OXR1: variants seen among roughly 807,000 people sequenced by gnomAD.
The protein encoded by OXR1 is oxidation resistance protein 1.
In OXR1, 41 loss-of-function variants were observed where a neutral mutation model predicts 104.6. The observed-to-expected ratio is 0.39, with a 90% CI of 0.31 to 0.51. OXR1 has a LOEUF of 0.51. Among genes scored for constraint, OXR1 ranks in the 20% least tolerant of loss-of-function variants. The probability of loss-of-function intolerance (pLI) is 0.77; values close to 1 mark genes in which losing one functional copy is unlikely to be tolerated. For missense variants in OXR1, 955 were observed against 1,031.9 expected, an observed-to-expected ratio of 0.93 and a Z score of 1.02; for synonymous variants, 348 against 348.4, an observed-to-expected ratio of 1.00 and a Z score of 0.01.
chr8:106,616,504 T>C (rs1354523095), intron 3 of OXR1, among the ~76,000 whole-genome samples: 2 of 152,088 alleles, frequency 1.3e-5, no homozygotes, highest in Non-Finnish European at 2.9e-5. Context: ...TGTAGCTCCA[T>C]AGAGAAGATT....
At chr8:106,574,388 G>GA (rs894275286) in intron 3 of OXR1, among the ~76,000 whole-genome samples, 2 of 151,898 alleles carry the variant, frequency 1.3e-5, no homozygotes, top group Non-Finnish European at 2.9e-5. Context: ...TCTGCCAGTG[G>GA]AAAAAAAGGG....
intron 3 of OXR1, among the ~76,000 whole-genome samples, chr8:106,633,232 A>AAAAAC (rs371897998): frequency 0.023 from 3,522 of 152,206 alleles, 46 homozygotes; most frequent in East Asian, 0.034. Flanking sequence ...ATTCCATCAA[A>AAAAAC]AAAACAAAAC....
chr8:106,474,028 C>T (rs975864311), intron 2 of OXR1, among the ~76,000 whole-genome samples: 78 of 144,414 alleles, frequency 5.4e-4, no homozygotes, highest in African/African-American at 1.2e-3. Flanking sequence ...CACACACACA[C>T]ACACACACAC....
At chr8:106,537,745 G>A (rs1041296735) in intron 3 of OXR1, among the ~76,000 whole-genome samples, 2 of 152,154 alleles carry the variant, frequency 1.3e-5, no homozygotes, top group Non-Finnish European at 1.5e-5. Flanking sequence ...TTTCTACAGT[G>A]AAGATAATGA....
Position 106,707,913 on chromosome 8 carries a change from A to G in OXR1, c.1624+768A>G, listed in dbSNP as rs529902320. Among the ~76,000 whole-genome samples, 8 of 152,294 alleles carry G rather than the reference A, an allele frequency of 5.3e-5. No individual in the cohort carries two copies. In the East Asian group the frequency reaches 1.5e-3, roughly 29 times the overall value. ...AAAGATTTTTGTTTTGCTGTAATAC[A>G]TAAAATAAAATTTACCATTTAACTT... On this transcript the variant is annotated intron_variant, in intron 9 of 16. Transcript: ENST00000517566.
At chr8:106,601,786 T>A (rs913724254) in intron 3 of OXR1, among the ~76,000 whole-genome samples, 1 of 152,158 alleles carries the variant, frequency 6.6e-6, no homozygotes. Context: ...GTAGCAAAGG[T>A]GAAAGGATTT....
At chr8:106,645,741 G>T (rs1824020658) in intron 3 of OXR1, among the ~76,000 whole-genome samples, 1 of 152,070 alleles carries the variant, frequency 6.6e-6, no homozygotes, top group Non-Finnish European at 1.5e-5. Flanking sequence ...GGGAGTTAGG[G>T]AACTCCCATC....
chr8:106,496,329 A>G (rs895173379), intron 2 of OXR1, among the ~76,000 whole-genome samples: 12 of 152,240 alleles, frequency 7.9e-5, no homozygotes, highest in Non-Finnish European at 8.8e-5. Context: ...GGTGATTCTG[A>G]TACATGCTCA....
chr8:106,361,123 G>C (rs565878586), intron 2 of OXR1, among the ~76,000 whole-genome samples: 15 of 152,300 alleles, frequency 9.8e-5, no homozygotes, highest in Admixed American at 9.8e-4. Flanking sequence ...GCATGTCATG[G>C]TTCCAGCCCA....
chr8:106,493,045 T>A (rs1305209351), intron 2 of OXR1, among the ~76,000 whole-genome samples: 1 of 151,936 alleles, frequency 6.6e-6, no homozygotes, highest in Admixed American at 6.6e-5. Flanking sequence ...GCTAGGAGAC[T>A]TTTTTTTAAA....
At chr8:106,707,464 A>C (rs1587177833) in intron 9 of OXR1, 1 of 469,736 alleles carries the variant, frequency 2.1e-6, no homozygotes, top group Non-Finnish European at 3.7e-6. Context: ...TGATCACTCC[A>C]TTTTCTCTTA....
intron 9 of OXR1, among the ~76,000 whole-genome samples, chr8:106,709,399 A>G (rs1368200386): frequency 6.6e-6 from 1 of 152,178 alleles, no homozygotes; most frequent in Non-Finnish European, 1.5e-5. Context: ...TATTGTTAAG[A>G]CATTTTAAAG....
chr8:106,585,538 G>T (rs1259024384), intron 3 of OXR1, among the ~76,000 whole-genome samples: 1 of 152,020 alleles, frequency 6.6e-6, no homozygotes, highest in Non-Finnish European at 1.5e-5. Flanking sequence ...ATTTAATTCA[G>T]TTCCTCATGG....
intron 2 of OXR1, among the ~76,000 whole-genome samples, chr8:106,458,193 G>T (rs1020827631): frequency 5.9e-5 from 9 of 152,096 alleles, no homozygotes; most frequent in African/African-American, 2.2e-4. Flanking sequence ...GATTTTTGAG[G>T]CAAGCTAGGA....
intron 2 of OXR1, among the ~76,000 whole-genome samples, chr8:106,372,905 A>G (rs1355252249): frequency 6.6e-6 from 1 of 152,226 alleles, no homozygotes; most frequent in East Asian, 1.9e-4. Flanking sequence ...TTATGTTTTT[A>G]TAAATTGTGG....
intron 2 of OXR1, among the ~76,000 whole-genome samples, chr8:106,462,534 C>T (rs896831710): frequency 6.6e-6 from 1 of 152,100 alleles, no homozygotes; most frequent in African/African-American, 2.4e-5. Flanking sequence ...AAATAAGAGC[C>T]TCTGAAGAAT....
chr8:106,372,726 G>A (rs1013482975), intron 2 of OXR1, among the ~76,000 whole-genome samples: 2 of 152,254 alleles, frequency 1.3e-5, no homozygotes, highest in Admixed American at 6.5e-5. Flanking sequence ...TTGGACTTGG[G>A]TGCCACCCCT....
At chr8:106,668,177 T>C (rs930367543) in intron 3 of OXR1, among the ~76,000 whole-genome samples, 1 of 152,180 alleles carries the variant, frequency 6.6e-6, no homozygotes. Context: ...CACTTTTTTA[T>C]AACTTATTAT....
In OXR1 at chr8:106,315,050, G is replaced by T. The variant is rs1813871377; in HGVS notation, c.-138-44426G>T. Among the ~76,000 whole-genome samples the T allele has an allele frequency of 3.4e-5, 5 of 148,354 alleles. No individual in the cohort carries two copies. The South Asian group carries it at 1.1e-3, about 31-fold the overall frequency. On this transcript the variant is annotated intron_variant, in intron 1 of 16. Coordinates refer to ENST00000517566, the MANE Select transcript of OXR1 (RefSeq NM_001198533.2). ...TTATCAGAGGTTTAGTTTTTTTTTT[G>T]TAAACTTGTCGAGTGGGCGTTTATT...
Sources: gnomAD v4.1 joint callset for allele counts (sites outside exome capture counted in the v4.1 genomes callset) on GRCh38, gnomAD v4.1.1 for gene constraint, MANE v1.5 for transcripts, NCBI Gene and HGNC (gene_info 2026-07-23, HGNC 2026-07-21) for gene names.